CDC14A: variants seen among roughly 807,000 people sequenced by gnomAD.
CDC14A encodes the protein cell division cycle 14A.
Under a neutral mutation model 74.4 loss-of-function variants are expected in CDC14A, and 53 were observed. The ratio of observed to expected loss-of-function variants is 0.71; its 90% CI spans 0.57 to 0.89. The LOEUF (loss-of-function observed/expected upper bound fraction) is 0.89. Among genes scored for constraint, CDC14A ranks in the 40% least tolerant of loss-of-function variants. The pLI is 0.00. For missense variants in CDC14A, 646 were observed against 713.7 expected, an observed-to-expected ratio of 0.91 and a Z score of 1.08; for synonymous variants, 247 against 258.4, an observed-to-expected ratio of 0.96 and a Z score of 0.43.
In CDC14A at chr1:100,353,803, A is replaced by G; in HGVS notation, c.91A>G (p.Thr31Ala). 6.2e-7 allele frequency: 1 copy of G among 1,609,554 alleles called. No individual in the cohort carries two copies. Among genetic ancestry groups the G allele is most frequent in the Non-Finnish European group, 8.5e-7 (1 of 1,176,854 alleles). ...TACTTTAAGGAATAGACCAAAAAGC[A>G]CAGTAAATACCCACTATTTCTCCAT... ...FATLRNRPKS[T>A]VNTHYFSIDE... Residue 31 changes from threonine to alanine, a missense_variant, in exon 2 of 16, where the codon ACA becomes GCA. Transcript: ENST00000336454.
chr1:100,459,851 A>G (rs1667147215), intron 8 of CDC14A, among the ~76,000 whole-genome samples: 1 of 152,256 alleles, frequency 6.6e-6, no homozygotes, highest in African/African-American at 2.4e-5. Context: ...CACAGGTCAT[A>G]GGACATTTCC....
chr1:100,431,125 G>A (rs111678816), intron 5 of CDC14A, among the ~76,000 whole-genome samples: 55 of 152,282 alleles, frequency 3.6e-4, no homozygotes, highest in African/African-American at 1.3e-3. Context: ...GAGTTTTCTT[G>A]TTAAAGTGCT....
At chr1:100,491,572 A>ATTTTTTTTT (rs59429516) in intron 11 of CDC14A, among the ~76,000 whole-genome samples, 2 of 25,106 alleles carry the variant, frequency 8.0e-5, no homozygotes, top group Admixed American at 6.1e-4. Context: ...ATATATATAT[A>ATTTTTTTTT]TTTTTTTTTT....
intron 7 of CDC14A, among the ~76,000 whole-genome samples, chr1:100,449,360 A>G (rs1665890621): frequency 6.6e-6 from 1 of 152,088 alleles, no homozygotes; most frequent in Admixed American, 6.5e-5. Context: ...TTTCCCCTTC[A>G]TGGGCTCCAC....
chr1:100,376,165 T>G (rs7538048), intron 2 of CDC14A, among the ~76,000 whole-genome samples: 38,899 of 150,610 alleles, frequency 0.26, 6,093 homozygotes, highest in Non-Finnish European at 0.35. Context: ...GGTGGGGGGA[T>G]GGGGGAGGGA....
chr1:100,392,440 A>G (rs1571045378), intron 4 of CDC14A, among the ~76,000 whole-genome samples: 1 of 148,122 alleles, frequency 6.8e-6, no homozygotes, highest in East Asian at 2.0e-4. Flanking sequence ...GTCATTTGCC[A>G]CTCTTCGCAC....
chr1:100,351,363 A>T (rs571103073), upstream of CDC14A, among the ~76,000 whole-genome samples: 1 of 152,170 alleles, frequency 6.6e-6, no homozygotes, highest in African/African-American at 2.4e-5. Flanking sequence ...GTTTCTGGAG[A>T]GACCTCTCAG....
At chr1:100,504,994 A>G in intron 15 of CDC14A, 1 of 1,385,498 alleles carries the variant, frequency 7.2e-7, no homozygotes. Flanking sequence ...GCTATTATAT[A>G]CATGAACATC....
In CDC14A at chr1:100,468,066, A is replaced by G. The variant is rs1292300043; in HGVS notation, c.949A>G (p.Ile317Val). The change falls in exon 10 of 16, where the codon ATA (isoleucine) becomes GTA (valine). Residue 317 changes from isoleucine (I) to valine (V), a missense_variant. Ile to Val is a conservative substitution (Grantham distance 29). Coordinates refer to ENST00000336454, the MANE Select transcript of CDC14A (RefSeq NM_003672.4). Reference sequence around the variant, plus strand: ...TAGAATATGCCGGCCAGGCTCTATTATAGGACCCCAGCAGCACTTCCTGGA... The same window carrying G: ...TAGAATATGCCGGCCAGGCTCTATTGTAGGACCCCAGCAGCACTTCCTGGA... ...WIRICRPGSI[I>V]GPQQHFLEEK... The G allele has an allele frequency of 1.9e-6, 3 of 1,613,646 alleles. No individual in the cohort carries two copies. In the South Asian group the frequency reaches 3.3e-5, roughly 18 times the overall value.
At position 100,459,643 on chromosome 1, in the gene CDC14A, C is replaced by T. The variant is rs374727779; in HGVS notation, c.608-3008C>T. On this transcript the variant is annotated intron_variant, in intron 8 of 15. Coordinates refer to ENST00000336454, the MANE Select transcript of CDC14A (RefSeq NM_003672.4). ...AAAACATCTCTTTTGACTCTGATAC[C>T]GTGTTCATGTGTTTGGTCAGCTTAA... Among the ~76,000 whole-genome samples, 17 of 152,228 alleles carry T rather than the reference C, an allele frequency of 1.1e-4. No homozygotes were observed. The East Asian group carries it at 2.3e-3, about 21-fold the overall frequency.
intron 4 of CDC14A, among the ~76,000 whole-genome samples, chr1:100,399,539 G>C (rs918105426): frequency 6.6e-6 from 1 of 151,946 alleles, no homozygotes; most frequent in African/African-American, 2.4e-5. Flanking sequence ...AAATTTAATT[G>C]GTGAAAAATG....
At chr1:100,407,673 C>T (rs1196689605) in intron 4 of CDC14A, among the ~76,000 whole-genome samples, 1 of 152,118 alleles carries the variant, frequency 6.6e-6, no homozygotes, top group Non-Finnish European at 1.5e-5. Context: ...TTCTTCTCTT[C>T]CTATTTGAAT....
At chr1:100,470,468 TA>T (rs1668282451) in intron 10 of CDC14A, among the ~76,000 whole-genome samples, 2 of 151,820 alleles carry the variant, frequency 1.3e-5, no homozygotes, top group Admixed American at 6.6e-5. Context: ...AAAAAAAACT[TA>T]GAACTAAAGA....
chr1:100,509,722 T>C (rs1366395993), intron 15 of CDC14A, among the ~76,000 whole-genome samples: 1 of 152,234 alleles, frequency 6.6e-6, no homozygotes, highest in Non-Finnish European at 1.5e-5. Flanking sequence ...CTTTGGTAAA[T>C]GACGCAGGCT....
rs67947647 is a variant in CDC14A, at chr1:100,500,743, CAAAAAAAAAAAA to C, written c.1755+1497_1755+1508del. 1.5e-4 allele frequency among the ~76,000 whole-genome samples: 8 copies of C among 53,862 alleles called. No homozygotes were observed. In the South Asian group the frequency reaches 5.8e-3, roughly 39 times the overall value. The allele number at this position is 53,862 out of a possible 152,430, so 35.3% of individuals were successfully genotyped here. A position where few individuals can be genotyped will look rare whatever the true frequency, so the allele number is the denominator to read the frequency against. Reference sequence around the variant, plus strand: ...TCCAGCTGGGTGACAGAGCCACTCTCAAAAAAAAAAAAAAAAAAAAAAAAAAAGAAACCATGA... The same window carrying C: ...TCCAGCTGGGTGACAGAGCCACTCTCAAAAAAAAAAAAAAAGAAACCATGA... On this transcript the variant is annotated intron_variant, in intron 15 of 15. Transcript: ENST00000336454.
intron 4 of CDC14A, among the ~76,000 whole-genome samples, chr1:100,417,087 GA>G (rs1239072714): frequency 6.6e-6 from 1 of 152,152 alleles, no homozygotes; most frequent in Non-Finnish European, 1.5e-5. Flanking sequence ...AATAACCACA[GA>G]AACAAACTGG....
chr1:100,498,306 G>T (rs762837929), intron 14 of CDC14A, 99 bp downstream of exon 14: 10 of 1,357,468 alleles, frequency 7.4e-6, no homozygotes, highest in Non-Finnish European at 1.0e-5. Flanking sequence ...GAGGGGACAA[G>T]GGAGAAGAGG....
At chr1:100,346,032 G>A (rs1050482013) in intron 1 of CDC14A, among the ~76,000 whole-genome samples, 1 of 152,052 alleles carries the variant, frequency 6.6e-6, no homozygotes, top group Admixed American at 6.5e-5. Flanking sequence ...TTCACTGGGT[G>A]TGGGGGTGGG....
chr1:100,491,249 C>T (rs1163107907), intron 11 of CDC14A, among the ~76,000 whole-genome samples: 2 of 151,886 alleles, frequency 1.3e-5, no homozygotes, highest in Non-Finnish European at 2.9e-5. Context: ...AAAAAAGTTA[C>T]AAAGCAGCAT....
Sources: gnomAD v4.1 joint callset for allele counts (sites outside exome capture counted in the v4.1 genomes callset) on GRCh38, gnomAD v4.1.1 for gene constraint, MANE v1.5 for transcripts, NCBI Gene and HGNC (gene_info 2026-07-23, HGNC 2026-07-21) for gene names.